The following GALNT17 variants were observed in gnomAD, a reference collection of about 807,000 sequenced individuals.
GALNT17 encodes UDP-GalNAc:polypeptide N-acetylgalactosaminyltransferase-like 3.
A neutral mutation model predicts 63.7 loss-of-function variants in GALNT17; 29 were observed. The observed-to-expected ratio is 0.46, with a 90% CI of 0.34 to 0.62. The LOEUF is 0.62. Ranked by LOEUF, GALNT17 falls within the 20% of genes least tolerant of loss-of-function variation. The pLI, the probability that GALNT17 is intolerant of heterozygous loss-of-function variation, is 0.01. For synonymous variants in GALNT17, 305 were observed against 318.3 expected (o/e 0.96, Z 0.45); for missense variants, 603 against 799.6 (o/e 0.75, Z 2.97).
intron 1 of GALNT17, among the ~76,000 whole-genome samples, chr7:71,306,423 C>A (rs1056956619): frequency 6.6e-6 from 1 of 151,918 alleles, no homozygotes; most frequent in Non-Finnish European, 1.5e-5. Context: ...CCCCACTATT[C>A]TTCTTTCTCT....
intron 1 of GALNT17, among the ~76,000 whole-genome samples, chr7:71,287,332 C>A (rs1467761458): frequency 6.6e-6 from 1 of 152,102 alleles, no homozygotes; most frequent in Non-Finnish European, 1.5e-5. Flanking sequence ...TCAAACAATT[C>A]TCCTGCCTTT....
intron 5 of GALNT17, among the ~76,000 whole-genome samples, chr7:71,542,361 C>T (rs1788906581): frequency 1.3e-5 from 2 of 152,060 alleles, no homozygotes; most frequent in South Asian, 4.1e-4. Context: ...AGAAAATCCA[C>T]TTGCTTTGCT....
intron 1 of GALNT17, among the ~76,000 whole-genome samples, chr7:71,261,035 G>C (rs563251260): frequency 6.6e-6 from 1 of 152,350 alleles, no homozygotes; most frequent in African/African-American, 2.4e-5. Flanking sequence ...TGACTTCGCA[G>C]TGCAGGGATT....
At chr7:71,705,756 T>C (rs1279202176) in intron 9 of GALNT17, among the ~76,000 whole-genome samples, 1 of 152,086 alleles carries the variant, frequency 6.6e-6, no homozygotes, top group Non-Finnish European at 1.5e-5. Context: ...CTGGAAGACA[T>C]TGTGCAGGAG....
chr7:71,492,075 A>T (rs1449347340), intron 5 of GALNT17, among the ~76,000 whole-genome samples: 3 of 152,064 alleles, frequency 2.0e-5, no homozygotes, highest in Admixed American at 2.0e-4. Flanking sequence ...AGGTCAGGAG[A>T]TCGAGACCAT....
At chr7:71,580,373 AGAT>A (rs1789614949) in intron 6 of GALNT17, among the ~76,000 whole-genome samples, 1 of 150,362 alleles carries the variant, frequency 6.7e-6, no homozygotes, top group African/African-American at 2.4e-5. Context: ...ATATATAAAT[AGAT>A]GATAGATAAA....
intron 2 of GALNT17, among the ~76,000 whole-genome samples, chr7:71,387,524 CTA>C (rs1377517599): frequency 6.6e-6 from 1 of 152,034 alleles, no homozygotes; most frequent in Non-Finnish European, 1.5e-5. Flanking sequence ...CAGGATCTTG[CTA>C]TGTTGCCCAG....
In GALNT17 at chr7:71,635,131, C is replaced by T. The variant is rs146345587; in HGVS notation, c.1081-30280C>T. Among the ~76,000 whole-genome samples, 816 of 144,606 alleles carry T rather than the reference C, an allele frequency of 5.6e-3. 7 individuals are homozygous for T. Among genetic ancestry groups the T allele is most frequent in the African/African-American group, 0.02 (794 of 38,978 alleles). 94.9% of individuals were successfully genotyped at this position (144,606 alleles called of 152,430 possible). On this transcript the variant is annotated intron_variant, in intron 6 of 10. Transcript: ENST00000333538. ...CTGAGGCAGGAGAATTGCTTGAACC[C>T]GGGAGGCAGAGGTTGCAGTGAGCCG...
chr7:71,202,113 AT>A (rs749272794), intron 1 of GALNT17, among the ~76,000 whole-genome samples: 15 of 152,160 alleles, frequency 9.9e-5, no homozygotes, highest in Middle Eastern at 3.4e-3. Context: ...CCCAAATAGT[AT>A]TTTTTTCTCT....
At chr7:71,500,317 A>G (rs1011589405) in intron 5 of GALNT17, among the ~76,000 whole-genome samples, 1 of 152,198 alleles carries the variant, frequency 6.6e-6, no homozygotes. Context: ...CAGGCACTCA[A>G]TAAAGGTTCT....
chr7:71,688,410 T>A (rs913199305), intron 9 of GALNT17, among the ~76,000 whole-genome samples: 4 of 152,192 alleles, frequency 2.6e-5, no homozygotes, highest in Admixed American at 2.6e-4. Context: ...CAGACCTCCA[T>A]GCAATGCAGT....
In GALNT17 at chr7:71,257,331, G is replaced by A. The variant is rs565595478; in HGVS notation, c.239-78219G>A. Among the ~76,000 whole-genome samples, 14 of 152,216 alleles carry A rather than the reference G, an allele frequency of 9.2e-5. No homozygotes were observed. The East Asian group carries it at 2.7e-3, about 29-fold the overall frequency. On this transcript the variant is annotated intron_variant, in intron 1 of 10. Coordinates refer to ENST00000333538, the MANE Select transcript of GALNT17 (RefSeq NM_022479.3). Reference sequence around the variant, plus strand: ...AGATTCATGCTTCCTATTAGTCAGGGTGTCCATTATGAAATCTCCTGAAAG... The same window carrying A: ...AGATTCATGCTTCCTATTAGTCAGGATGTCCATTATGAAATCTCCTGAAAG...
chr7:71,471,387 AT>A (rs138380823), intron 5 of GALNT17, among the ~76,000 whole-genome samples: 6,020 of 122,650 alleles, frequency 0.049, 173 homozygotes, highest in East Asian at 0.21. Context: ...TGAGCTCAGC[AT>A]TTTTTTTTTC....
chr7:71,515,029 T>C (rs1442327609), intron 5 of GALNT17, among the ~76,000 whole-genome samples: 1 of 152,242 alleles, frequency 6.6e-6, no homozygotes, highest in Non-Finnish European at 1.5e-5. Context: ...TCTTGCCTCC[T>C]GCCATGTAAG....
chr7:71,351,107 C>G (rs539578710), intron 2 of GALNT17, among the ~76,000 whole-genome samples: 5 of 152,196 alleles, frequency 3.3e-5, no homozygotes, highest in South Asian at 4.1e-4. Flanking sequence ...AGCCAGTGCA[C>G]TCAAGCCTGG....
intron 2 of GALNT17, among the ~76,000 whole-genome samples, chr7:71,375,232 T>C (rs1162010724): frequency 2.0e-5 from 3 of 152,066 alleles, no homozygotes; most frequent in Non-Finnish European, 4.4e-5. Flanking sequence ...TGTTTCAGGG[T>C]CAATGTCAGT....
At chr7:71,406,796 A>G (rs1406758975) in intron 3 of GALNT17, among the ~76,000 whole-genome samples, 2 of 150,588 alleles carry the variant, frequency 1.3e-5, no homozygotes, top group Admixed American at 6.6e-5. Flanking sequence ...GCAGTGGTGC[A>G]ATCACCGCTC....
At chr7:71,547,815 AT>A (rs1354881236) in intron 5 of GALNT17, among the ~76,000 whole-genome samples, 21 of 152,164 alleles carry the variant, frequency 1.4e-4, no homozygotes, top group African/African-American at 4.8e-4. Context: ...ATTGAAGCTA[AT>A]TGTTTTCCTT....
rs1037129559 is a variant in GALNT17 at position 71,415,832 on chromosome 7, A to G, written c.590-57A>G. ...AGATCTGTGGGCATTGCAGTGGGTTAGATGCAAATTTGAAATGACATGTTT... is the reference window on the plus strand; with the variant it reads ...AGATCTGTGGGCATTGCAGTGGGTTGGATGCAAATTTGAAATGACATGTTT... On this transcript the variant is annotated intron_variant, in intron 3 of 10. Transcript: ENST00000333538. 4 of 1,493,298 alleles carry G rather than the reference A, an allele frequency of 2.7e-6. No homozygotes were observed. In the African/African-American group the frequency reaches 5.6e-5, roughly 21 times the overall value. 92.5% of individuals were successfully genotyped at this position (1,493,298 alleles called of 1,614,324 possible).
Sources: allele counts gnomAD v4.1 joint callset (sites outside exome capture counted in the v4.1 genomes callset), GRCh38; gene constraint gnomAD v4.1.1; transcripts MANE v1.5; gene names NCBI Gene and HGNC (gene_info 2026-07-23, HGNC 2026-07-21).